Variants in ST18 observed in about 807,000 individuals in gnomAD.
ST18 encodes the protein ST18 C2H2C-type zinc finger transcription factor, also known as suppression of tumorigenicity 18 protein.
In ST18, 50 loss-of-function variants were observed where a neutral mutation model predicts 110.0. That is an observed-to-expected ratio of 0.45 (90% CI 0.36 to 0.58). ST18 has a LOEUF of 0.58. Ranked by LOEUF, ST18 falls within the 20% of genes least tolerant of loss-of-function variation. The pLI is 0.00. For synonymous variants in ST18, 461 were observed against 452.4 expected, an observed-to-expected ratio of 1.02 and a Z score of -0.24; for missense variants, 1,306 against 1,280.1, an observed-to-expected ratio of 1.02 and a Z score of -0.31.
At chr8:52,168,926 A>AAT (rs1207475188) in intron 10 of ST18, among the ~76,000 whole-genome samples, 2 of 152,180 alleles carry the variant, frequency 1.3e-5, no homozygotes, top group Admixed American at 1.3e-4. Flanking sequence ...GGAGAAGAGC[A>AAT]ATAATGTGTA....
chr8:52,121,250 G>A (rs77525519), intron 23 of ST18, among the ~76,000 whole-genome samples: 2 of 152,184 alleles, frequency 1.3e-5, no homozygotes, highest in South Asian at 4.1e-4. Context: ...TGGAGCTTGT[G>A]AGGGAAGATC....
At chr8:52,299,548 G>A (rs2139500195) in intron 2 of ST18, among the ~76,000 whole-genome samples, 1 of 152,144 alleles carries the variant, frequency 6.6e-6, no homozygotes, top group East Asian at 1.9e-4. Context: ...TCAAACATGT[G>A]CAGCCTGTGC....
chr8:52,291,662 C>T (rs992426114), intron 2 of ST18, among the ~76,000 whole-genome samples: 3 of 152,140 alleles, frequency 2.0e-5, no homozygotes, highest in African/African-American at 7.2e-5. Context: ...TTGTATCCTT[C>T]AAATTCTCAC....
chr8:52,278,357 A>G (rs143555972), intron 2 of ST18, among the ~76,000 whole-genome samples: 1 of 152,374 alleles, frequency 6.6e-6, no homozygotes, highest in African/African-American at 2.4e-5. Context: ...ATGAATATAC[A>G]GAATATTTTT....
intron 2 of ST18, among the ~76,000 whole-genome samples, chr8:52,380,581 T>C (rs1834151082): frequency 1.3e-5 from 2 of 152,176 alleles, no homozygotes; most frequent in South Asian, 4.1e-4. Flanking sequence ...TATATTCTTC[T>C]ATCTTTGTGT....
At chr8:52,371,129 A>C (rs1334423835) in intron 2 of ST18, among the ~76,000 whole-genome samples, 1 of 152,178 alleles carries the variant, frequency 6.6e-6, no homozygotes, top group Non-Finnish European at 1.5e-5. Flanking sequence ...AACCTGTGCA[A>C]TTCACTACTG....
chr8:52,139,322 TTATA>T (rs58564463), intron 17 of ST18, among the ~76,000 whole-genome samples: 43,725 of 148,398 alleles, frequency 0.29, 9,040 homozygotes, highest in African/African-American at 0.6. Flanking sequence ...CAGCATTGCA[TTATA>T]TATATATATA....
intron 2 of ST18, among the ~76,000 whole-genome samples, chr8:52,258,458 T>G (rs1349075922): frequency 6.6e-6 from 1 of 152,206 alleles, no homozygotes; most frequent in Non-Finnish European, 1.5e-5. Context: ...CTTTCAACAA[T>G]TTTTTATGGT....
At chr8:52,181,490 G>T (rs2069549593) in intron 8 of ST18, among the ~76,000 whole-genome samples, 1 of 152,032 alleles carries the variant, frequency 6.6e-6, no homozygotes, top group African/African-American at 2.4e-5. Flanking sequence ...AAAAGATCCT[G>T]GAAGAAGCAA....
chr8:52,372,455 C>G (rs111834529), intron 2 of ST18, among the ~76,000 whole-genome samples: 1,805 of 152,208 alleles, frequency 0.012, 44 homozygotes, highest in African/African-American at 0.042. Flanking sequence ...GCCTAATTGT[C>G]CAGTGTTTCT....
chr8:52,235,735 TGAG>T (rs1471697827), intron 2 of ST18, among the ~76,000 whole-genome samples: 1 of 152,176 alleles, frequency 6.6e-6, no homozygotes, highest in African/African-American at 2.4e-5. Flanking sequence ...ACTCATAAGT[TGAG>T]ATTAGTTTTA....
chr8:52,301,730 A>G (rs1317657312), intron 2 of ST18: 1 of 152,228 alleles, frequency 6.6e-6, no homozygotes, highest in Non-Finnish European at 1.5e-5. Context: ...AAAATCCATC[A>G]TTATTTGCAG....
chr8:52,165,205 C>T lies in ST18; in HGVS notation c.1225G>A (p.Val409Met), dbSNP rs773404975. The T allele has an allele frequency of 1.9e-5, 30 of 1,614,082 alleles. No individual in the cohort carries two copies. Among genetic ancestry groups the T allele is most frequent in the South Asian group, 1.4e-4 (13 of 91,084 alleles). Residue 409 changes from valine to methionine, a missense_variant, in exon 12 of 26, where the codon GTG (valine) becomes ATG (methionine). Transcript: ENST00000689386. ...PLEILAMHEN[V>M]LKCPTPGCTG... ...CATCCCGGCGTGGGACACTTGAGCA[C>T]ATTTTCATGCATGGCAAGAACTAAG...
chr8:52,274,227 C>T (rs1406412683), intron 2 of ST18, among the ~76,000 whole-genome samples: 1 of 152,156 alleles, frequency 6.6e-6, no homozygotes, highest in Non-Finnish European at 1.5e-5. Flanking sequence ...CACACTTTCA[C>T]TCCTGAAATG....
chr8:52,175,620 G>T (rs1231936212), intron 9 of ST18, among the ~76,000 whole-genome samples: 2 of 152,108 alleles, frequency 1.3e-5, no homozygotes, highest in African/African-American at 4.8e-5. Flanking sequence ...ATAGTTCAAG[G>T]ATCCCTCCTA....
At chr8:52,115,229 A>G (rs918324927) in intron 25 of ST18, among the ~76,000 whole-genome samples, 1 of 152,218 alleles carries the variant, frequency 6.6e-6, no homozygotes, top group African/African-American at 2.4e-5. Context: ...TGCTGCTTCT[A>G]TAAATAATTT....
At chr8:52,326,515 C>G (rs888102878) in intron 2 of ST18, among the ~76,000 whole-genome samples, 1 of 152,096 alleles carries the variant, frequency 6.6e-6, no homozygotes, top group Non-Finnish European at 1.5e-5. Flanking sequence ...AAAATGGCCA[C>G]AAGTGAGCTA....
At chr8:52,232,290 G>T (rs2091634454) in intron 2 of ST18, among the ~76,000 whole-genome samples, 1 of 152,116 alleles carries the variant, frequency 6.6e-6, no homozygotes, top group Non-Finnish European at 1.5e-5. Context: ...TTCGTGTCAA[G>T]AAAGAAACAG....
chr8:52,169,242 C>T (rs755958611), intron 10 of ST18, among the ~76,000 whole-genome samples: 1 of 152,146 alleles, frequency 6.6e-6, no homozygotes, highest in African/African-American at 2.4e-5. Context: ...GACTCTCAGG[C>T]TTGGCTCTTC....
Sources: allele counts gnomAD v4.1 joint callset (sites outside exome capture counted in the v4.1 genomes callset), GRCh38; gene constraint gnomAD v4.1.1; transcripts MANE v1.5; gene names NCBI Gene and HGNC (gene_info 2026-07-23, HGNC 2026-07-21).